PYGB: variants seen among roughly 807,000 people sequenced by gnomAD.
The protein encoded by PYGB is glycogen phosphorylase B.
Under a neutral mutation model 94.3 loss-of-function variants are expected in PYGB, and 82 were observed. The observed-to-expected ratio is 0.87, with a 90% CI of 0.73 to 1.04. The LOEUF (loss-of-function observed/expected upper bound fraction) is 1.04. Ranked by LOEUF, PYGB falls within the 50% of genes least tolerant of loss-of-function variation. PYGB has a pLI of 0.00. For missense variants in PYGB, 1,132 were observed against 1,158.2 expected, an observed-to-expected ratio of 0.98 and a Z score of 0.33; for synonymous variants, 488 against 479.1, an observed-to-expected ratio of 1.02 and a Z score of -0.24.
At chr20:25,254,164 ACACACC>A (rs2092896621) in intron 1 of PYGB, among the ~76,000 whole-genome samples, 1 of 152,108 alleles carries the variant, frequency 6.6e-6, no homozygotes, top group Non-Finnish European at 1.5e-5. Flanking sequence ...AAGCTCTCCT[ACACACC>A]CACAGTAGAG....
rs1370506081 is a variant in PYGB, at chr20:25,292,569, C to G, written c.2133C>G (p.Ile711Met). ...AEEAGAENLF[I>M]FGLRVEDVEA... ...AGGCCGGGGCCGAGAACCTCTTCAT[C>G]TTCGGCCTGCGGGTGGAGGATGTCG... Residue 711 changes from isoleucine to methionine, a missense_variant, in exon 17 of 20, where the codon ATC becomes ATG. Ile to Met is a conservative substitution (Grantham distance 10). Transcript: ENST00000216962. 1 of 1,613,136 alleles carries G rather than the reference C, an allele frequency of 6.2e-7. No homozygotes were observed.
rs1173390583 is a variant in PYGB at position 25,260,940 on chromosome 20, C to T, written c.345+1602C>T. 4.6e-5 allele frequency among the ~76,000 whole-genome samples: 7 copies of T among 152,210 alleles called. No individual in the cohort carries two copies. The East Asian group carries it at 1.2e-3, about 25-fold the overall frequency. Reference sequence around the variant, plus strand: ...GCAGTGAGGCTTGGGGAGGGGCGTCCGCCATTGCTGAGGCTTGAGTAGGTA... The same window carrying T: ...GCAGTGAGGCTTGGGGAGGGGCGTCTGCCATTGCTGAGGCTTGAGTAGGTA... On this transcript the variant is annotated intron_variant, in intron 2 of 19. Coordinates refer to ENST00000216962, the MANE Select transcript of PYGB (RefSeq NM_002862.4).
chr20:25,271,270 T>G, intron 3 of PYGB, 113 bp from the exon 4 acceptor site: 1 of 957,288 alleles, frequency 1.0e-6, no homozygotes, highest in Non-Finnish European at 1.7e-6. Context: ...CAGTGAAGCC[T>G]GAAGTCAGTG....
intron 11 of PYGB, among the ~76,000 whole-genome samples, chr20:25,281,435 C>T (rs1033476573): frequency 1.3e-5 from 2 of 152,360 alleles, no homozygotes; most frequent in Non-Finnish European, 2.9e-5. Flanking sequence ...GTCCACCTGC[C>T]GCTGGCAGGG....
At position 25,280,494 on chromosome 20, in the gene PYGB, G is replaced by A. The variant is rs1405430927; in HGVS notation, c.1239+82G>A. On this transcript the variant is annotated intron_variant, in intron 10 of 19. Coordinates refer to ENST00000216962, the MANE Select transcript of PYGB (RefSeq NM_002862.4). ...CCCCACCTGGCCTGGGAGAGGAGGT[G>A]CTTTGCTCCTTGAACGAGGCACCCT... 4 of 1,521,538 alleles carry A rather than the reference G, an allele frequency of 2.6e-6. No homozygotes were observed. In the African/African-American group the frequency reaches 5.5e-5, roughly 21 times the overall value. 94.3% of individuals were successfully genotyped at this position (1,521,538 alleles called of 1,614,324 possible).
intron 18 of PYGB, chr20:25,295,125 A>G: frequency 7.6e-7 from 1 of 1,317,928 alleles, no homozygotes; most frequent in Non-Finnish European, 1.1e-6. Context: ...TTGTAGATTC[A>G]TAAATCTGGC....
rs544297968 is a variant in PYGB, at chr20:25,294,819, G to A, written c.2312+527G>A. On this transcript the variant is annotated intron_variant, in intron 18 of 19. Transcript: ENST00000216962. The stretch of plus-strand genomic sequence containing the variant: ...TGGTTTATCTAGAGTTACAGACTTT[G>A]TAAGGTTTGCAGCTCAGGGCAGTTC... 5 of 786,808 alleles carry A rather than the reference G, an allele frequency of 6.4e-6. No homozygotes were observed. The African/African-American group carries it at 8.4e-5, about 13-fold the overall frequency. 48.7% of individuals were successfully genotyped at this position (786,808 alleles called of 1,614,324 possible).
intron 18 of PYGB, among the ~76,000 whole-genome samples, chr20:25,295,360 G>C (rs1013937551): frequency 1.3e-5 from 2 of 152,272 alleles, no homozygotes; most frequent in Admixed American, 6.5e-5. Context: ...ATTTAAAGGA[G>C]TGTTGGGTTG....
chr20:25,289,644 A>G (rs2088447956), intron 15 of PYGB, among the ~76,000 whole-genome samples: 1 of 151,450 alleles, frequency 6.6e-6, no homozygotes, highest in Admixed American at 6.6e-5. Context: ...ACCCTGTCTC[A>G]GCAAAAAAAA....
At position 25,281,065 on chromosome 20, in the gene PYGB, T is replaced by C; in HGVS notation, c.1356T>C (p.Ala452=). 1 of 1,614,198 alleles carries C rather than the reference T, an allele frequency of 6.2e-7. No homozygotes were observed. Among genetic ancestry groups the C allele is most frequent in the Admixed American group, 1.7e-5 (1 of 60,024 alleles). The part of the protein sequence containing the change: ...MAHLCVIGSH[A]VNGVARIHSE... ...ACCTGTGTGTGATTGGGTCCCATGC[T>C]GTCAATGGTGTGGCGAGGATCCACT... The change falls in exon 11 of 20, where the codon GCT becomes GCC. Residue 452 remains alanine (A), a synonymous_variant. Transcript: ENST00000216962.
rs750462882 is a variant in PYGB, at chr20:25,292,494, G to A, written c.2058G>A (p.Gly686=). 2 of 1,613,472 alleles carry A rather than the reference G, an allele frequency of 1.2e-6. No individual in the cohort carries two copies. Among genetic ancestry groups the A allele is most frequent in the Non-Finnish European group, 1.7e-6 (2 of 1,179,944 alleles). ...GTGNMKFMLN[G]ALTIGTMDGA... is the part of the protein sequence containing the mutation. Reference sequence around the variant, plus strand: ...GCAACATGAAGTTCATGCTCAACGGGGCCCTCACCATCGGCACCATGGACG... The same window carrying A: ...GCAACATGAAGTTCATGCTCAACGGAGCCCTCACCATCGGCACCATGGACG... The change falls in exon 17 of 20, where the codon GGG becomes GGA. Residue 686 remains glycine (G), a synonymous_variant. Transcript: ENST00000216962.
Position 25,283,218 on chromosome 20 carries a change from A to T in PYGB, c.1561A>T (p.Lys521Ter). Residue 521 changes from lysine (K) to a stop codon, truncating the protein, a stop_gained, in exon 13 of 20, where the codon AAG (lysine) becomes TAG (stop). Coordinates refer to ENST00000216962, the MANE Select transcript of PYGB (RefSeq NM_002862.4). LOFTEE classifies it high-confidence loss of function. ...CCTGACTGACCTGAGCCAGCTGAAG[A>T]AGCTGCTGCCGCTGGTCAGTGACGA... Reference protein sequence around the residue: ...EFLTDLSQLKKLLPLVSDEVF... With the variant: ...EFLTDLSQLK 6.2e-7 allele frequency: 1 copy of T among 1,613,878 alleles called. No individual in the cohort carries two copies. Among genetic ancestry groups the T allele is most frequent in the Non-Finnish European group, 8.5e-7 (1 of 1,179,850 alleles).
rs1392474454 is a variant in PYGB at position 25,297,876 on chromosome 20, A to C, written c.*1354A>C. The C allele has an allele frequency of 6.6e-6, 1 of 152,314 alleles. No individual in the cohort carries two copies. Among genetic ancestry groups the C allele is most frequent in the Non-Finnish European group, 1.5e-5 (1 of 68,126 alleles). The allele number at this position is 152,314 out of a possible 1,614,324, so 9.4% of individuals were successfully genotyped here. On this transcript the variant is annotated 3_prime_UTR_variant, in exon 20 of 20. Transcript: ENST00000216962. ...GTCGTGCCCTGACAGCATCTTCCCC[A>C]GGCAGCGGCTCTGTGGAGGAGGCCA...
intron 6 of PYGB, 83 bp downstream of exon 6, chr20:25,276,840 C>A: frequency 7.8e-7 from 1 of 1,284,544 alleles, no homozygotes; most frequent in Non-Finnish European, 1.1e-6. Context: ...TTACCGCGCC[C>A]TGTGGCTCAC....
At chr20:25,253,334 C>CT (rs1264654083) in intron 1 of PYGB, among the ~76,000 whole-genome samples, 1 of 152,204 alleles carries the variant, frequency 6.6e-6, no homozygotes, top group Non-Finnish European at 1.5e-5. Flanking sequence ...AGAACCCTGA[C>CT]TAATCCACAG....
rs1292778141 is a variant in PYGB at position 25,274,589 on chromosome 20, C to T, written c.529-3C>T. 4 of 1,612,314 alleles carry T rather than the reference C, an allele frequency of 2.5e-6. No individual in the cohort carries two copies. In the African/African-American group the frequency reaches 4.0e-5, roughly 16 times the overall value. On this transcript the variant is annotated splice_polypyrimidine_tract_variant and splice_region_variant and intron_variant, in intron 4 of 19. Transcript: ENST00000216962. ...GGTGCCCTCACAGCTGGCTTCTTTC[C>T]AGGTAGAGGAGGCCGATGACTGGCT...
chr20:25,266,473 A>T (rs1036438847), intron 2 of PYGB, among the ~76,000 whole-genome samples: 18 of 152,172 alleles, frequency 1.2e-4, no homozygotes, highest in African/African-American at 4.3e-4. Flanking sequence ...ATCAATCTTC[A>T]TGACCTTGGA....
intron 2 of PYGB, among the ~76,000 whole-genome samples, chr20:25,265,674 A>G (rs1298004804): frequency 6.9e-6 from 1 of 145,532 alleles, no homozygotes; most frequent in African/African-American, 2.6e-5. Context: ...GGCTCACTGC[A>G]GGCTTCACCT....
chr20:25,284,058 G>A, intron 13 of PYGB, 46 bp from the exon 14 acceptor site: 1 of 1,603,414 alleles, frequency 6.2e-7, no homozygotes, highest in Non-Finnish European at 8.5e-7. Context: ...TCAGTGGATG[G>A]AGTCCTGGTG....
Sources: gnomAD v4.1 joint callset for allele counts (sites outside exome capture counted in the v4.1 genomes callset) on GRCh38, gnomAD v4.1.1 for gene constraint, MANE v1.5 for transcripts, NCBI Gene and HGNC (gene_info 2026-07-23, HGNC 2026-07-21) for gene names.